Variants in LCA5 observed in about 807,000 individuals in gnomAD.
LCA5 encodes the protein lebercilin LCA5, also known as lebercilin.
LCA5 carries 37 observed loss-of-function variants against 53.0 expected under a neutral mutation model. The ratio of observed to expected loss-of-function variants is 0.70; its 90% CI spans 0.54 to 0.92. The LOEUF (loss-of-function observed/expected upper bound fraction) is 0.92, where lower values mean the gene tolerates loss of function less well. Ranked by LOEUF, LCA5 falls within the 40% of genes least tolerant of loss-of-function variation. The pLI is 0.00. For synonymous variants in LCA5, 303 were observed against 282.9 expected (o/e 1.07, Z -0.71); for missense variants, 806 against 790.5 (o/e 1.02, Z -0.23).
intron 3 of LCA5, among the ~76,000 whole-genome samples, chr6:79,495,984 T>C (rs1188123027): frequency 1.3e-5 from 2 of 151,960 alleles, no homozygotes; most frequent in East Asian, 3.9e-4. Context: ...CAAAATTCAG[T>C]AACATGAAAC....
intron 3 of LCA5, among the ~76,000 whole-genome samples, chr6:79,498,719 T>A (rs116440096): frequency 0.011 from 1,676 of 152,074 alleles, 38 homozygotes; most frequent in African/African-American, 0.038. Context: ...GAATTTTTTT[T>A]AAAAATTAAA....
chr6:79,494,062 A>G (rs1209996623), intron 3 of LCA5, among the ~76,000 whole-genome samples: 3 of 152,104 alleles, frequency 2.0e-5, no homozygotes, highest in Non-Finnish European at 4.4e-5. Flanking sequence ...ACCAGCCTAG[A>G]CAACAAAGCA....
chr6:79,513,006 G>A (rs773342305), intron 3 of LCA5: 11 of 594,380 alleles, frequency 1.9e-5, no homozygotes, highest in Middle Eastern at 4.6e-4. Flanking sequence ...ACTATGATCC[G>A]TCAATCAACA....
rs544714333 is a variant in LCA5 at position 79,516,561 on chromosome 6, A to T, written c.190+2144T>A. 6.6e-5 allele frequency among the ~76,000 whole-genome samples: 10 copies of T among 152,084 alleles called. No homozygotes were observed. In the East Asian group the frequency reaches 7.7e-4, roughly 12 times the overall value. ...TGACATCCTAAAACTCTGAGTATAA[A>T]TTTTTTAGCATATTCTATAACTACA... On this transcript the variant is annotated intron_variant, in intron 2 of 7. Coordinates refer to ENST00000369846, the MANE Select transcript of LCA5 (RefSeq NM_001122769.3).
Position 79,491,653 on chromosome 6 carries a change from G to A in LCA5, c.1033C>T (p.Pro345Ser), listed in dbSNP as rs1769847262. ...TMEDFKPEEY[P>S]LTPETIMCYE... Reference sequence around the variant, plus strand: ...CACATAATTGTTTCTGGAGTTAAAGGATATTCTTCTGGCTTGAAGTCTTCC... The same window carrying A: ...CACATAATTGTTTCTGGAGTTAAAGAATATTCTTCTGGCTTGAAGTCTTCC... The change falls in exon 6 of 8, where the codon CCT becomes TCT. Residue 345 changes from proline to serine, a missense_variant. Transcript: ENST00000369846. 1.2e-6 allele frequency: 2 copies of A among 1,613,102 alleles called. No homozygotes were observed. Among genetic ancestry groups the A allele is most frequent in the Non-Finnish European group, 1.7e-6 (2 of 1,179,252 alleles).
In LCA5 at chr6:79,516,757, C is replaced by T. The variant is rs190024972; in HGVS notation, c.190+1948G>A. On this transcript the variant is annotated intron_variant, in intron 2 of 7. Transcript: ENST00000369846. ...TCATCTCTCCTTCTTAAGTCACTCC[C>T]AAAAAGTGGGTGGAAAATTGCTTTT... is the stretch of plus-strand genomic sequence containing the variant. 3.9e-3 allele frequency among the ~76,000 whole-genome samples: 587 copies of T among 151,820 alleles called. 3 individuals carry two copies. Among genetic ancestry groups the T allele is most frequent in the Non-Finnish European group, 6.6e-3 (450 of 67,830 alleles).
chr6:79,514,541 A>G (rs778916029), intron 2 of LCA5, among the ~76,000 whole-genome samples: 2 of 152,138 alleles, frequency 1.3e-5, no homozygotes, highest in Admixed American at 6.6e-5. Context: ...AAATCATTCT[A>G]TTTTAAAGAC....
chr6:79,503,731 TA>T (rs1189350356), intron 3 of LCA5, among the ~76,000 whole-genome samples: 1 of 152,192 alleles, frequency 6.6e-6, no homozygotes, highest in African/African-American at 2.4e-5. Flanking sequence ...TCAAATAATT[TA>T]AGTGGTGTAT....
chr6:79,518,118 A>T (rs1413015154), intron 2 of LCA5, among the ~76,000 whole-genome samples: 2 of 152,226 alleles, frequency 1.3e-5, no homozygotes, highest in African/African-American at 4.8e-5. Flanking sequence ...TCAAATATGT[A>T]TGAAGGCCTA....
At chr6:79,522,004 T>C (rs1766638784) in intron 1 of LCA5, among the ~76,000 whole-genome samples, 1 of 152,094 alleles carries the variant, frequency 6.6e-6, no homozygotes. Context: ...ATCAAAAGTG[T>C]TTAAATCCTT....
chr6:79,531,023 T>C (rs953370264), intron 1 of LCA5, among the ~76,000 whole-genome samples: 2 of 152,162 alleles, frequency 1.3e-5, no homozygotes, highest in Non-Finnish European at 2.9e-5. Flanking sequence ...AAATCAAGTC[T>C]TTCCTTTGCA....
intron 3 of LCA5, among the ~76,000 whole-genome samples, chr6:79,497,706 G>T (rs142607560): frequency 4.6e-5 from 7 of 152,056 alleles, no homozygotes; most frequent in African/African-American, 1.7e-4. Context: ...GGCCAGGTGC[G>T]GTGGCTCATG....
In LCA5 at chr6:79,513,685, A is replaced by G; in HGVS notation, c.247T>C (p.Phe83Leu). 2 of 1,613,728 alleles carry G rather than the reference A, an allele frequency of 1.2e-6. No individual in the cohort carries two copies. Among genetic ancestry groups the G allele is most frequent in the Non-Finnish European group, 1.7e-6 (2 of 1,179,784 alleles). The change falls in exon 3 of 8, where the codon TTT becomes CTT. Residue 83 changes from phenylalanine (F) to leucine (L), a missense_variant. By Grantham distance (22) the Phe-to-Leu change is conservative. Coordinates refer to ENST00000369846, the MANE Select transcript of LCA5 (RefSeq NM_001122769.3). The stretch of plus-strand genomic sequence containing the variant: ...TCTCTATTGAGGCTCTGGGAGCGAA[A>G]TCCCACTCGGACTCCCTTTCTGTTT... ...LPNRKGVRVG[F>L]RSQSLNREPL...
chr6:79,496,666 G>A (rs928970491), intron 3 of LCA5, among the ~76,000 whole-genome samples: 6 of 152,168 alleles, frequency 3.9e-5, no homozygotes, highest in Non-Finnish European at 8.8e-5. Context: ...CTGAGGAGTA[G>A]TGGGCAGGGA....
chr6:79,523,139 T>C lies in LCA5; in HGVS notation c.-191-4054A>G, dbSNP rs528565465. On this transcript the variant is annotated intron_variant, in intron 1 of 7. Coordinates refer to ENST00000369846, the MANE Select transcript of LCA5 (RefSeq NM_001122769.3). ...GATATTTTCTTTAGAAGAAATATTT[T>C]AAAAAGCAACAAAAAACACAACTTT... is the stretch of plus-strand genomic sequence containing the variant. Among the ~76,000 whole-genome samples, 13 of 152,268 alleles carry C rather than the reference T, an allele frequency of 8.5e-5. No homozygotes were observed. In the South Asian group the frequency reaches 2.7e-3, roughly 32 times the overall value.
chr6:79,498,854 C>G (rs1770054559), intron 3 of LCA5, among the ~76,000 whole-genome samples: 1 of 151,910 alleles, frequency 6.6e-6, no homozygotes, highest in African/African-American at 2.4e-5. Context: ...AACAGATTAT[C>G]TGTAAAAGAG....
At chr6:79,515,477 T>C (rs1244132362) in intron 2 of LCA5, among the ~76,000 whole-genome samples, 2 of 152,090 alleles carry the variant, frequency 1.3e-5, no homozygotes, top group Admixed American at 1.3e-4. Context: ...TCTCAAAAAT[T>C]TGAAATAATG....
chr6:79,526,838 T>G (rs1766804405), intron 1 of LCA5, among the ~76,000 whole-genome samples: 1 of 152,156 alleles, frequency 6.6e-6, no homozygotes, highest in South Asian at 2.1e-4. Flanking sequence ...AGGAAAAAAC[T>G]TGGGATTGTC....
chr6:79,524,730 A>G (rs1455598123), intron 1 of LCA5, among the ~76,000 whole-genome samples: 1 of 151,980 alleles, frequency 6.6e-6, no homozygotes, highest in East Asian at 1.9e-4. Flanking sequence ...TTCGCTCCCT[A>G]GGTGCTTTTA....
Sources: allele counts gnomAD v4.1 joint callset (sites outside exome capture counted in the v4.1 genomes callset), GRCh38; gene constraint gnomAD v4.1.1; transcripts MANE v1.5; gene names NCBI Gene and HGNC (gene_info 2026-07-23, HGNC 2026-07-21).